KCTD1: variants seen among roughly 807,000 people sequenced by gnomAD.
KCTD1 encodes potassium channel tetramerization domain containing 1.
Under a neutral mutation model 66.0 loss-of-function variants are expected in KCTD1, and 24 were observed. The ratio of observed to expected loss-of-function variants is 0.36; its 90% CI spans 0.26 to 0.51. KCTD1 has a LOEUF of 0.51. Ranked by LOEUF, KCTD1 falls within the 20% of genes least tolerant of loss-of-function variation. The pLI is 0.95. For synonymous variants in KCTD1, 511 were observed against 517.2 expected, an observed-to-expected ratio of 0.99 and a Z score of 0.16; for missense variants, 943 against 1,205.2, an observed-to-expected ratio of 0.78 and a Z score of 3.22.
chr18:26,548,270 CTCG>C lies in KCTD1; in HGVS notation c.264_266del (p.Asp88del). On this transcript the variant is annotated inframe_deletion, in exon 1 of 5. Transcript: ENST00000580059. ...CCATCTCCTCCTCTTCCTCCTCCTCCTCGTCCTCCTCCAGCCCCCCACCTCCGT... is the reference window on the plus strand; with the variant it reads ...CCATCTCCTCCTCTTCCTCCTCCTCCTCCTCCTCCAGCCCCCCACCTCCGT... The C allele has an allele frequency of 6.6e-7, 1 of 1,510,086 alleles. No individual in the cohort carries two copies. The highest frequency in any genetic ancestry group is 8.8e-7 in the Non-Finnish European group (1 of 1,132,880). The allele number at this position is 1,510,086 out of a possible 1,614,324, so 93.5% of individuals were successfully genotyped here. A position where few individuals can be genotyped will look rare whatever the true frequency, so the allele number is the denominator to read the frequency against.
intron 1 of KCTD1, among the ~76,000 whole-genome samples, chr18:26,556,485 C>T (rs1373966729): frequency 6.6e-6 from 1 of 152,206 alleles, no homozygotes; most frequent in African/African-American, 2.4e-5. Context: ...CTCTTTATAG[C>T]TCATTCCCTT....
chr18:26,512,400 GCCT>G (rs1453230731), intron 1 of KCTD1, among the ~76,000 whole-genome samples: 1 of 151,358 alleles, frequency 6.6e-6, no homozygotes, highest in South Asian at 2.1e-4. Flanking sequence ...ACCGCACCTG[GCCT>G]CCTCTGAGAT....
chr18:26,575,920 T>C (rs1986214973), intron 1 of KCTD1, among the ~76,000 whole-genome samples: 1 of 152,252 alleles, frequency 6.6e-6, no homozygotes, highest in South Asian at 2.1e-4. Flanking sequence ...TATTTTGCTA[T>C]TAGCATGGCT....
At chr18:26,655,357 C>T (rs1317806291) in intron 1 of KCTD1, among the ~76,000 whole-genome samples, 1 of 152,112 alleles carries the variant, frequency 6.6e-6, no homozygotes, top group African/African-American at 2.4e-5. Flanking sequence ...TAGCTGCCAG[C>T]TTAGTTGATT....
chr18:26,508,668 T>A (rs1983172447), intron 1 of KCTD1, among the ~76,000 whole-genome samples: 1 of 152,020 alleles, frequency 6.6e-6, no homozygotes, highest in Non-Finnish European at 1.5e-5. Flanking sequence ...TTAATACAGA[T>A]CATAACTTTT....
At chr18:26,514,786 C>T (rs1598910629) in intron 1 of KCTD1, among the ~76,000 whole-genome samples, 1 of 152,208 alleles carries the variant, frequency 6.6e-6, no homozygotes, top group East Asian at 1.9e-4. Context: ...TTCTTAGTTA[C>T]ATTCGTCCTA....
chr18:26,637,097 CT>C (rs1987740117), intron 1 of KCTD1, among the ~76,000 whole-genome samples: 1 of 152,188 alleles, frequency 6.6e-6, no homozygotes, highest in Non-Finnish European at 1.5e-5. Flanking sequence ...TGTGCTCCAT[CT>C]ACTGCTGACG....
At chr18:26,515,482 T>TA (rs1195256454) in intron 1 of KCTD1, among the ~76,000 whole-genome samples, 2 of 151,534 alleles carry the variant, frequency 1.3e-5, no homozygotes, top group African/African-American at 2.4e-5. Flanking sequence ...CACTAGGGCT[T>TA]AGACTCTGAA....
intron 1 of KCTD1, among the ~76,000 whole-genome samples, chr18:26,647,831 T>C (rs1023698968): frequency 4.6e-5 from 7 of 151,518 alleles, no homozygotes; most frequent in African/African-American, 1.7e-4. Context: ...CCTAGATCTT[T>C]TTTTTTGTTT....
chr18:26,594,694 T>A (rs1361143257), intron 1 of KCTD1, among the ~76,000 whole-genome samples: 1 of 152,130 alleles, frequency 6.6e-6, no homozygotes, highest in Non-Finnish European at 1.5e-5. Context: ...CAACCAACAG[T>A]CTAGACGCTG....
At chr18:26,461,195 A>C (rs534525061) in intron 3 of KCTD1, among the ~76,000 whole-genome samples, 5 of 152,250 alleles carry the variant, frequency 3.3e-5, no homozygotes, top group Non-Finnish European at 5.9e-5. Flanking sequence ...CAATAGCAGC[A>C]GCAGCTGTAG....
chr18:26,611,459 T>C (rs1485723345), intron 1 of KCTD1, among the ~76,000 whole-genome samples: 1 of 152,176 alleles, frequency 6.6e-6, no homozygotes. Context: ...CAAGTGATTC[T>C]CCTGTCTCAA....
At position 26,497,895 on chromosome 18, in the gene KCTD1, G is replaced by A. The variant is rs572244659; in HGVS notation, c.1988+3177C>T. Among the ~76,000 whole-genome samples, 64 of 152,306 alleles carry A rather than the reference G, an allele frequency of 4.2e-4. 1 individual carries two copies. Among genetic ancestry groups the A allele is most frequent in the African/African-American group, 1.4e-3 (58 of 41,572 alleles). ...GTGCAGGCCAGGAGTCCCCTGAGAC[G>A]GGAGTCATCCAGGCAAGAATCCAGA... On this transcript the variant is annotated intron_variant, in intron 2 of 4. Transcript: ENST00000580059.
intron 1 of KCTD1, among the ~76,000 whole-genome samples, chr18:26,593,429 G>T (rs199884101): frequency 3.2e-5 from 3 of 93,748 alleles, no homozygotes; most frequent in Non-Finnish European, 4.7e-5. Flanking sequence ...AAGAAGATGA[G>T]GAGGAGGAGG....
At chr18:26,588,259 T>C (rs1329260085) in intron 1 of KCTD1, among the ~76,000 whole-genome samples, 1 of 135,112 alleles carries the variant, frequency 7.4e-6, no homozygotes, top group East Asian at 2.3e-4. Flanking sequence ...TGGGCAACAG[T>C]GTAAGACTCT....
chr18:26,516,277 A>C (rs1213722432), intron 1 of KCTD1, among the ~76,000 whole-genome samples: 1 of 152,216 alleles, frequency 6.6e-6, no homozygotes, highest in Non-Finnish European at 1.5e-5. Flanking sequence ...GTTTACATAC[A>C]TATTCAGGAG....
At chr18:26,491,704 G>A (rs572058386) in intron 2 of KCTD1, among the ~76,000 whole-genome samples, 5 of 152,238 alleles carry the variant, frequency 3.3e-5, no homozygotes, top group Non-Finnish European at 2.9e-5. Context: ...CTTCCTCGGG[G>A]GCTGAAGGGC....
At chr18:26,548,725 G>A (rs1333881914), upstream of KCTD1, 5 of 794,280 alleles carry the variant, frequency 6.3e-6, no homozygotes, top group Non-Finnish European at 6.3e-6. Context: ...ATGGAGGGGA[G>A]GGGGGAGGGG....
intron 1 of KCTD1, among the ~76,000 whole-genome samples, chr18:26,556,421 G>C (rs1044324869): frequency 6.6e-6 from 1 of 152,156 alleles, no homozygotes; most frequent in Non-Finnish European, 1.5e-5. Context: ...ATTACTCCCA[G>C]TAAAAACAAT....
Sources: gnomAD v4.1 joint callset for allele counts (sites outside exome capture counted in the v4.1 genomes callset) on GRCh38, gnomAD v4.1.1 for gene constraint, MANE v1.5 for transcripts, NCBI Gene and HGNC (gene_info 2026-07-23, HGNC 2026-07-21) for gene names.